NLK: variants seen among roughly 807,000 people sequenced by gnomAD.
NLK encodes serine/threonine-protein kinase NLK.
A neutral mutation model predicts 59.0 loss-of-function variants in NLK; 11 were observed. The observed-to-expected ratio is 0.19, with a 90% confidence interval of 0.12 to 0.31. The LOEUF is 0.31. Among genes scored for constraint, NLK ranks in the 10% least tolerant of loss-of-function variants. NLK has a pLI of 1.00. For missense variants in NLK, 410 were observed against 661.1 expected (o/e 0.62, Z 4.16); for synonymous variants, 235 against 235.9 (o/e 1.00, Z 0.03).
intron 3 of NLK, among the ~76,000 whole-genome samples, chr17:28,158,161 C>A (rs1907859955): frequency 6.6e-6 from 1 of 152,186 alleles, no homozygotes; most frequent in Non-Finnish European, 1.5e-5. Context: ...CACACCTAAG[C>A]TGTATGGTAT....
intron 1 of NLK, among the ~76,000 whole-genome samples, chr17:28,117,115 G>T (rs1905811482): frequency 1.3e-5 from 2 of 152,156 alleles, no homozygotes; most frequent in African/African-American, 4.8e-5. Flanking sequence ...AGAAAATCCA[G>T]CATGGCAGTT....
chr17:28,178,877 T>C (rs1346470222), intron 7 of NLK, among the ~76,000 whole-genome samples: 1 of 152,144 alleles, frequency 6.6e-6, no homozygotes, highest in Non-Finnish European at 1.5e-5. Flanking sequence ...TTACATGTAG[T>C]TGAATGAAAA....
downstream of NLK, among the ~76,000 whole-genome samples, chr17:28,200,105 A>G (rs994912332): frequency 3.3e-5 from 5 of 152,170 alleles, no homozygotes; most frequent in African/African-American, 9.7e-5. Context: ...TTCTGTCTGT[A>G]GCTGGTTTTT....
chr17:28,061,630 A>G (rs141242760), intron 1 of NLK, among the ~76,000 whole-genome samples: 187 of 151,880 alleles, frequency 1.2e-3, no homozygotes, highest in African/African-American at 4.2e-3. Context: ...TAACTTGAAG[A>G]TAGAGGAGAC....
chr17:28,047,959 G>A (rs1909118889), intron 1 of NLK: 8 of 398,268 alleles, frequency 2.0e-5, no homozygotes, highest in Non-Finnish European at 3.1e-5. Context: ...ACTATCAGCC[G>A]AGATTAACAG....
At chr17:28,136,633 G>A (rs891287129) in intron 3 of NLK, among the ~76,000 whole-genome samples, 9 of 151,834 alleles carry the variant, frequency 5.9e-5, no homozygotes, top group African/African-American at 2.2e-4. Flanking sequence ...ACAGAATTTC[G>A]CTCTTTTTTG....
chr17:28,124,591 A>G (rs1165749098), intron 2 of NLK, among the ~76,000 whole-genome samples: 1 of 152,138 alleles, frequency 6.6e-6, no homozygotes, highest in Non-Finnish European at 1.5e-5. Context: ...AGTTCCTCAG[A>G]TTTTAGAAAT....
intron 1 of NLK, among the ~76,000 whole-genome samples, chr17:28,050,952 GA>G (rs567468247): frequency 4.5e-4 from 67 of 148,010 alleles, no homozygotes; most frequent in Non-Finnish European, 9.0e-4. Flanking sequence ...TAAAAGTACA[GA>G]AAAAAAAAAT....
At chr17:28,134,946 G>T (rs1906678567) in intron 3 of NLK, among the ~76,000 whole-genome samples, 1 of 152,208 alleles carries the variant, frequency 6.6e-6, no homozygotes, top group South Asian at 2.1e-4. Flanking sequence ...CCATTTCATA[G>T]ACTTCCTGAA....
chr17:28,110,090 A>G lies in NLK; in HGVS notation c.459-12513A>G, dbSNP rs535370586. On this transcript the variant is annotated intron_variant, in intron 1 of 10. Coordinates refer to ENST00000407008, the MANE Select transcript of NLK (RefSeq NM_016231.5). Reference sequence around the variant, plus strand: ...AAATCTTCTCTAATTTATCTCAGCAATGTTTTGTAGTTTGCATTCTATGTG... The same window carrying G: ...AAATCTTCTCTAATTTATCTCAGCAGTGTTTTGTAGTTTGCATTCTATGTG... 5.3e-5 allele frequency among the ~76,000 whole-genome samples: 8 copies of G among 152,230 alleles called. No homozygotes were observed. In the South Asian group the frequency reaches 8.3e-4, roughly 16 times the overall value.
chr17:28,104,405 G>A (rs1044069928), intron 1 of NLK, among the ~76,000 whole-genome samples: 9 of 152,012 alleles, frequency 5.9e-5, no homozygotes, highest in East Asian at 1.9e-4. Flanking sequence ...ACAGGCACAC[G>A]CCACTATGCC....
chr17:28,131,510 C>G (rs1187168564), intron 2 of NLK, among the ~76,000 whole-genome samples: 1 of 137,578 alleles, frequency 7.3e-6, no homozygotes, highest in East Asian at 2.1e-4. Context: ...GTGTGAATAA[C>G]TGAGGCCAGG....
chr17:28,062,998 G>A lies in NLK; in HGVS notation c.458+19667G>A, dbSNP rs34379848. On this transcript the variant is annotated intron_variant, in intron 1 of 10. Coordinates refer to ENST00000407008, the MANE Select transcript of NLK (RefSeq NM_016231.5). ...CAGGTTGGAGTGCAGTGGCACGATC[G>A]TGGCTCACTGTAGCCTCAAGCTGCC... is the stretch of plus-strand genomic sequence containing the variant. 6.3e-3 allele frequency among the ~76,000 whole-genome samples: 962 copies of A among 152,178 alleles called. 7 individuals are homozygous for A. The highest frequency in any genetic ancestry group is 0.023 in the African/African-American group (938 of 41,518).
At chr17:28,114,511 A>G (rs182965210) in intron 1 of NLK, among the ~76,000 whole-genome samples, 2 of 152,272 alleles carry the variant, frequency 1.3e-5, no homozygotes, top group East Asian at 1.9e-4. Flanking sequence ...TGTGACTTGC[A>G]TTTTTGCCCT....
At chr17:28,075,026 T>A (rs1470218228) in intron 1 of NLK, among the ~76,000 whole-genome samples, 1 of 152,272 alleles carries the variant, frequency 6.6e-6, no homozygotes, top group South Asian at 2.1e-4. Context: ...GTTTGCTTTT[T>A]ATTTTTGTTA....
the NLK span, among the ~76,000 whole-genome samples, chr17:28,203,160 T>TACACACAC: frequency 6.3e-4 from 80 of 127,140 alleles, no homozygotes; most frequent in African/African-American, 2.6e-3. Flanking sequence ...TGTATATACA[T>TACACACAC]ACATACACAC....
intron 3 of NLK, among the ~76,000 whole-genome samples, chr17:28,144,396 CAAAA>C (rs984366292): frequency 6.1e-5 from 5 of 81,580 alleles, no homozygotes; most frequent in Non-Finnish European, 8.5e-5. Flanking sequence ...CAGGTGAAGC[CAAAA>C]AAAAAAAAAA....
intron 3 of NLK, among the ~76,000 whole-genome samples, chr17:28,159,798 C>T (rs991426737): frequency 2.0e-5 from 3 of 152,014 alleles, no homozygotes; most frequent in Non-Finnish European, 4.4e-5. Flanking sequence ...ATCCTGGCTG[C>T]TGTTTTAGAA....
At position 28,168,645 on chromosome 17, in the gene NLK, T is replaced by A; in HGVS notation, c.1035T>A (p.Ser345Arg). Residue 345 changes from serine to arginine, a missense_variant, in exon 6 of 11, where the codon AGT (serine) becomes AGA (arginine). Transcript: ENST00000407008. ...LGRRILFQAQ[S>R]PIQQLDLITD... Reference sequence around the variant, plus strand: ...GAAGAATATTGTTTCAGGCACAGAGTCCCATTCAGCAGGTATGATTTCAAT... The same window carrying A: ...GAAGAATATTGTTTCAGGCACAGAGACCCATTCAGCAGGTATGATTTCAAT... 6.2e-7 allele frequency: 1 copy of A among 1,613,090 alleles called. No homozygotes were observed. The highest frequency in any genetic ancestry group is 2.2e-5 in the East Asian group (1 of 44,872).
Sources: gnomAD v4.1 joint callset for allele counts (sites outside exome capture counted in the v4.1 genomes callset) on GRCh38, gnomAD v4.1.1 for gene constraint, MANE v1.5 for transcripts, NCBI Gene and HGNC (gene_info 2026-07-23, HGNC 2026-07-21) for gene names.